The following SCLT1 variants were observed in gnomAD, a reference collection of about 807,000 sequenced individuals.
SCLT1 encodes sodium channel-associated protein 1.
Under a neutral mutation model 112.8 loss-of-function variants are expected in SCLT1, and 78 were observed. That is an observed-to-expected ratio of 0.69 (90% CI 0.58 to 0.83). The LOEUF is 0.83. Among genes scored for constraint, SCLT1 ranks in the 40% least tolerant of loss-of-function variants. SCLT1 has a pLI of 0.00. For missense variants in SCLT1, 747 were observed against 770.4 expected (o/e 0.97, Z 0.36); for synonymous variants, 257 against 254.7 (o/e 1.01, Z -0.09).
At chr4:129,091,200 C>T (rs1020475627) in intron 1 of SCLT1, among the ~76,000 whole-genome samples, 2 of 152,134 alleles carry the variant, frequency 1.3e-5, no homozygotes, top group African/African-American at 4.8e-5. Context: ...GAGAGCGACA[C>T]AGACACTCAA....
chr4:129,017,931 G>A (rs773530589), intron 5 of SCLT1, among the ~76,000 whole-genome samples: 2 of 152,184 alleles, frequency 1.3e-5, no homozygotes, highest in Non-Finnish European at 2.9e-5. Flanking sequence ...TGTAGAAATG[G>A]TTTGCTACAT....
intron 5 of SCLT1, among the ~76,000 whole-genome samples, chr4:129,021,942 C>T (rs1745519576): frequency 6.6e-6 from 1 of 152,194 alleles, no homozygotes; most frequent in Non-Finnish European, 1.5e-5. Flanking sequence ...AGGCCGGTGA[C>T]TCTCTGGGAT....
chr4:128,988,612 G>T (rs1453105651), intron 9 of SCLT1, among the ~76,000 whole-genome samples: 2 of 151,728 alleles, frequency 1.3e-5, no homozygotes, highest in East Asian at 3.9e-4. Context: ...TAACAAAATG[G>T]CAGTAGTGAG....
At chr4:129,089,702 T>C (rs1255078151) in intron 1 of SCLT1, among the ~76,000 whole-genome samples, 1 of 152,198 alleles carries the variant, frequency 6.6e-6, no homozygotes, top group Non-Finnish European at 1.5e-5. Flanking sequence ...TATAAGTTCA[T>C]GTCCTTTGCT....
intron 5 of SCLT1, among the ~76,000 whole-genome samples, chr4:129,028,749 A>C (rs190160376): frequency 3.9e-5 from 6 of 152,240 alleles, no homozygotes; most frequent in African/African-American, 9.6e-5. Flanking sequence ...CAACCTACAA[A>C]AAGGGAGAAA....
At chr4:128,885,503 G>A (rs543054821) in intron 20 of SCLT1, among the ~76,000 whole-genome samples, 1 of 152,018 alleles carries the variant, frequency 6.6e-6, no homozygotes, top group Admixed American at 6.6e-5. Flanking sequence ...TCTATATTAG[G>A]CCTACTATAC....
intron 2 of SCLT1, among the ~76,000 whole-genome samples, chr4:129,058,701 T>C (rs927625724): frequency 4.6e-5 from 7 of 152,164 alleles, no homozygotes; most frequent in Non-Finnish European, 1.0e-4. Context: ...TGAATAAAAA[T>C]TTATATAAAT....
At chr4:128,994,706 C>T (rs555929086) in intron 8 of SCLT1, among the ~76,000 whole-genome samples, 1 of 152,120 alleles carries the variant, frequency 6.6e-6, no homozygotes, top group African/African-American at 2.4e-5. Flanking sequence ...AATAATCCCT[C>T]TGACACGTGT....
intron 18 of SCLT1, among the ~76,000 whole-genome samples, chr4:128,921,532 T>C (rs1241344610): frequency 6.6e-6 from 1 of 152,004 alleles, no homozygotes; most frequent in African/African-American, 2.4e-5. Flanking sequence ...TTTGACAAAG[T>C]AGACAAAAAC....
intron 17 of SCLT1, among the ~76,000 whole-genome samples, chr4:128,939,174 C>A (rs771238297): frequency 5.3e-5 from 8 of 152,144 alleles, no homozygotes; most frequent in Non-Finnish European, 8.8e-5. Flanking sequence ...TTGTGTTGTG[C>A]CACACTATTC....
intron 5 of SCLT1, among the ~76,000 whole-genome samples, chr4:129,026,897 C>T (rs909631649): frequency 6.6e-6 from 1 of 152,172 alleles, no homozygotes; most frequent in Non-Finnish European, 1.5e-5. Flanking sequence ...GAAATACAAA[C>T]TACCATCAGA....
chr4:128,950,807 C>T (rs916167950), intron 14 of SCLT1, among the ~76,000 whole-genome samples: 2 of 152,066 alleles, frequency 1.3e-5, no homozygotes, highest in East Asian at 1.9e-4. Flanking sequence ...TAAGTTTGAA[C>T]ATTTTATAAT....
chr4:128,992,099 T>C lies in SCLT1; in HGVS notation c.686+68A>G, dbSNP rs540919466. The C allele has an allele frequency of 8.0e-6, 8 of 1,002,964 alleles. No individual in the cohort carries two copies. In the African/African-American group the frequency reaches 8.1e-5, roughly 10 times the overall value. 62.1% of individuals were successfully genotyped at this position (1,002,964 alleles called of 1,614,324 possible). ...AAAAAAACACCCATGGGGAAAATTA[T>C]AGCATCATCAGCTCCCCTGAAGAAA... On this transcript the variant is annotated intron_variant, in intron 9 of 20. Coordinates refer to ENST00000281142, the MANE Select transcript of SCLT1 (RefSeq NM_144643.4).
intron 8 of SCLT1, among the ~76,000 whole-genome samples, chr4:128,992,527 T>C (rs1579623008): frequency 6.6e-6 from 1 of 151,990 alleles, no homozygotes; most frequent in Non-Finnish European, 1.5e-5. Context: ...ATAAGTGTTA[T>C]AGAACTAATG....
intron 5 of SCLT1, among the ~76,000 whole-genome samples, chr4:129,031,470 G>C (rs776636111): frequency 5.9e-5 from 9 of 152,030 alleles, no homozygotes; most frequent in Non-Finnish European, 2.9e-5. Flanking sequence ...AGGGCAATCA[G>C]GCAACAGAAA....
intron 2 of SCLT1, among the ~76,000 whole-genome samples, chr4:129,055,175 G>A (rs180900823): frequency 6.6e-6 from 1 of 152,282 alleles, no homozygotes; most frequent in African/African-American, 2.4e-5. Context: ...ATGCCAGCTG[G>A]AGCTCTCCTG....
intron 18 of SCLT1, among the ~76,000 whole-genome samples, chr4:128,909,545 G>C (rs1734935895): frequency 6.6e-6 from 1 of 152,146 alleles, no homozygotes; most frequent in Non-Finnish European, 1.5e-5. Flanking sequence ...ACTGCACCCA[G>C]CCTCTAAACT....
In SCLT1 at chr4:128,945,992, A is replaced by C. The variant is rs200690244; in HGVS notation, c.1439+15T>G. 29 of 1,575,004 alleles carry C rather than the reference A, an allele frequency of 1.8e-5. No homozygotes were observed. In the East Asian group the frequency reaches 6.3e-4, roughly 34 times the overall value. ...CTGAAGATGTTATCATAGAAAATCC[A>C]AAAGAAAAACTTACTCAGTTTCAAG... On this transcript the variant is annotated intron_variant, in intron 16 of 20. Coordinates refer to ENST00000281142, the MANE Select transcript of SCLT1 (RefSeq NM_144643.4).
intron 18 of SCLT1, among the ~76,000 whole-genome samples, chr4:128,915,901 G>A (rs6846045): frequency 6.6e-6 from 1 of 152,208 alleles, no homozygotes; most frequent in Non-Finnish European, 1.5e-5. Context: ...ATTACTGACA[G>A]TGATGAATGC....
Sources: gnomAD v4.1 joint callset for allele counts (sites outside exome capture counted in the v4.1 genomes callset) on GRCh38, gnomAD v4.1.1 for gene constraint, MANE v1.5 for transcripts, NCBI Gene and HGNC (gene_info 2026-07-23, HGNC 2026-07-21) for gene names.